IGF1R: variants seen among roughly 807,000 people sequenced by gnomAD.
The protein encoded by IGF1R is insulin-like growth factor 1 receptor.
Under a neutral mutation model 144.6 loss-of-function variants are expected in IGF1R, and 44 were observed. The ratio of observed to expected loss-of-function variants is 0.30; its 90% CI spans 0.24 to 0.39. The LOEUF is 0.39. IGF1R is among the 10% of genes least tolerant of loss of function. The pLI is 1.00. For missense variants in IGF1R, 1,355 were observed against 1,833.7 expected, an observed-to-expected ratio of 0.74 and a Z score of 4.77; for synonymous variants, 795 against 722.8, an observed-to-expected ratio of 1.10 and a Z score of -1.60.
chr15:98,848,433 G>A (rs547076499), intron 2 of IGF1R, among the ~76,000 whole-genome samples: 11 of 152,290 alleles, frequency 7.2e-5, no homozygotes, highest in African/African-American at 2.6e-4. Flanking sequence ...GCCCAGCCAA[G>A]ATAGTGCCAT....
At chr15:98,947,655 ACT>A (rs1348754741) in intron 19 of IGF1R, among the ~76,000 whole-genome samples, 4 of 152,216 alleles carry the variant, frequency 2.6e-5, no homozygotes, top group South Asian at 2.1e-4. Flanking sequence ...TTGTGTGTGT[ACT>A]CTCTGTTTTG....
At chr15:98,767,390 G>A (rs2055460559) in intron 2 of IGF1R, among the ~76,000 whole-genome samples, 2 of 152,164 alleles carry the variant, frequency 1.3e-5, no homozygotes, top group African/African-American at 4.8e-5. Flanking sequence ...TATGAAGGAT[G>A]GAAGGGCATT....
At position 98,804,203 on chromosome 15, in the gene IGF1R, C is replaced by G. The variant is rs533853232; in HGVS notation, c.641-87122C>G. On this transcript the variant is annotated intron_variant, in intron 2 of 20. Coordinates refer to ENST00000650285, the MANE Select transcript of IGF1R (RefSeq NM_000875.5). Reference sequence around the variant, plus strand: ...GGTCACTGGAGGGAATGGAAGAACACTGAGGAAATGCATAGCCTGTTTCAT... The same window carrying G: ...GGTCACTGGAGGGAATGGAAGAACAGTGAGGAAATGCATAGCCTGTTTCAT... 1.8e-4 allele frequency among the ~76,000 whole-genome samples: 27 copies of G among 152,316 alleles called. 1 individual carries two copies. The South Asian group carries it at 5.6e-3, about 32-fold the overall frequency.
At chr15:98,922,535 G>C in intron 11 of IGF1R, 104 bp downstream of exon 11, 3 of 1,374,038 alleles carry the variant, frequency 2.2e-6, no homozygotes, top group Non-Finnish European at 3.1e-6. Flanking sequence ...ATGACCCTTA[G>C]ACCCAGGCCT....
At chr15:98,828,823 C>G (rs1286355769) in intron 2 of IGF1R, among the ~76,000 whole-genome samples, 2 of 143,476 alleles carry the variant, frequency 1.4e-5, no homozygotes, top group Non-Finnish European at 3.0e-5. Flanking sequence ...GTTTTTTAAG[C>G]CTAGGGAATG....
Position 98,948,649 on chromosome 15 carries a change from C to A in IGF1R, c.3663C>A (p.Val1221=), listed in dbSNP as rs2016649607. 1.2e-6 allele frequency: 2 copies of A among 1,614,180 alleles called. No homozygotes were observed. The highest frequency in any genetic ancestry group is 1.7e-6 in the Non-Finnish European group (2 of 1,180,020). Residue 1221 remains valine (V), a synonymous_variant, in exon 20 of 21, where the codon GTC becomes GTA. Transcript: ENST00000650285. ...QPYQGLSNEQ[V]LRFVMEGGLL... is the part of the protein sequence containing the mutation. ...ACCAGGGCTTGTCCAACGAGCAAGT[C>A]CTTCGCTTCGTCATGGAGGGCGGCC...
chr15:98,874,347 G>A (rs897129969), intron 2 of IGF1R, among the ~76,000 whole-genome samples: 1 of 152,286 alleles, frequency 6.6e-6, no homozygotes, highest in African/African-American at 2.4e-5. Context: ...TGTTTGGCAG[G>A]GTGGGAAGCA....
intron 1 of IGF1R, among the ~76,000 whole-genome samples, chr15:98,675,822 C>CTTTTTTT (rs1555430684): frequency 1.7e-5 from 2 of 114,416 alleles, no homozygotes; most frequent in Admixed American, 8.7e-5. Flanking sequence ...TTCTTTCTTT[C>CTTTTTTT]TTTCTTTTTT....
At chr15:98,916,921 A>G (rs1301726081) in intron 10 of IGF1R, 45 bp downstream of exon 10, 98 of 1,553,344 alleles carry the variant, frequency 6.3e-5, no homozygotes, top group Non-Finnish European at 8.7e-5. Flanking sequence ...CCCACTGCTC[A>G]GGCCGGTTCT....
chr15:98,736,609 TC>T (rs151224009), intron 2 of IGF1R, among the ~76,000 whole-genome samples: 1 of 148,588 alleles, frequency 6.7e-6, no homozygotes, highest in Admixed American at 6.7e-5. Flanking sequence ...TTTTCTTTTT[TC>T]TTTTTTCTTT....
At chr15:98,893,598 G>A (rs1306269405) in intron 3 of IGF1R, 1 of 152,216 alleles carries the variant, frequency 6.6e-6, no homozygotes, top group Non-Finnish European at 1.5e-5. Context: ...GTGGGGTTAG[G>A]GGAGTGGTAG....
Position 98,891,224 on chromosome 15 carries a change from TG to T in IGF1R, c.641-99del. 9.7e-7 allele frequency: 1 copy of T among 1,034,586 alleles called. No homozygotes were observed. Among genetic ancestry groups the T allele is most frequent in the Non-Finnish European group, 1.5e-6 (1 of 685,246 alleles). 64.1% of individuals were successfully genotyped at this position (1,034,586 alleles called of 1,614,324 possible). On this transcript the variant is annotated intron_variant, in intron 2 of 20. Transcript: ENST00000650285. The surrounding 1 kb of genome is among the most constrained non-coding windows in gnomAD (Gnocchi z 4.7). ...GTCTCCTCAATGAGTGATCTGGTGC[TG>T]GTGGTAGCAGTGAATGACCCAGAAG...
At chr15:98,848,341 C>T (rs2011414257) in intron 2 of IGF1R, among the ~76,000 whole-genome samples, 1 of 152,212 alleles carries the variant, frequency 6.6e-6, no homozygotes, top group African/African-American at 2.4e-5. Flanking sequence ...CCATCACCCA[C>T]AGTTTACGTG....
At chr15:98,825,257 C>G (rs1038910763) in intron 2 of IGF1R, among the ~76,000 whole-genome samples, 17 of 152,214 alleles carry the variant, frequency 1.1e-4, no homozygotes, top group African/African-American at 4.1e-4. Context: ...AAACTGGTAC[C>G]TCCCAACAGA....
rs547935768 is a variant in IGF1R at position 98,721,002 on chromosome 15, A to G, written c.640+12895A>G. 3.3e-5 allele frequency among the ~76,000 whole-genome samples: 5 copies of G among 152,200 alleles called. No homozygotes were observed. In the South Asian group the frequency reaches 1.0e-3, roughly 32 times the overall value. On this transcript the variant is annotated intron_variant, in intron 2 of 20. Transcript: ENST00000650285. ...AGCTGGAGTGATCAAAGCAAAATTA[A>G]AATACTTTCTCAGTGGTTTGGGAGT... is the stretch of plus-strand genomic sequence containing the variant.
At position 98,957,593 on chromosome 15, in the gene IGF1R, C is replaced by G; in HGVS notation, c.*151C>G. 1 of 920,576 alleles carries G rather than the reference C, an allele frequency of 1.1e-6. No individual in the cohort carries two copies. The highest frequency in any genetic ancestry group is 1.5e-5 in the South Asian group (1 of 67,716). The allele number at this position is 920,576 out of a possible 1,614,324, so 57.0% of individuals were successfully genotyped here. On this transcript the variant is annotated 3_prime_UTR_variant, in exon 21 of 21. Transcript: ENST00000650285. ...TTGCTGCCCGCGGGAGACAGCTTCTCTGCAGTAAAACACATTTGGGATGTT... is the reference window on the plus strand; with the variant it reads ...TTGCTGCCCGCGGGAGACAGCTTCTGTGCAGTAAAACACATTTGGGATGTT...
chr15:98,959,166 C>G lies in IGF1R; in HGVS notation c.*1724C>G, dbSNP rs34718548. 1 of 233,408 alleles carries G rather than the reference C, an allele frequency of 4.3e-6. No homozygotes were observed. Among genetic ancestry groups the G allele is most frequent in the South Asian group, 1.8e-4 (1 of 5,530 alleles). 14.5% of individuals were successfully genotyped at this position (233,408 alleles called of 1,614,324 possible). ...GGTTGAGAAGCCTCACCCTCTCTTT[C>G]CCTTGCCTTTGCTTAGGTTGTGACA... is the stretch of plus-strand genomic sequence containing the variant. On this transcript the variant is annotated 3_prime_UTR_variant, in exon 21 of 21. Coordinates refer to ENST00000650285, the MANE Select transcript of IGF1R (RefSeq NM_000875.5).
intron 2 of IGF1R, among the ~76,000 whole-genome samples, chr15:98,765,823 A>G (rs1318678133): frequency 6.6e-6 from 1 of 152,192 alleles, no homozygotes; most frequent in Non-Finnish European, 1.5e-5. Context: ...GCCAGTGTGC[A>G]CCTGGAGTCA....
At chr15:98,900,443 G>A (rs1275563733) in intron 5 of IGF1R, among the ~76,000 whole-genome samples, 3 of 152,224 alleles carry the variant, frequency 2.0e-5, no homozygotes, top group African/African-American at 7.2e-5. Context: ...GAGGCGAGAA[G>A]GTCATGGGAA....
Sources: gnomAD v4.1 joint callset for allele counts (sites outside exome capture counted in the v4.1 genomes callset) on GRCh38, gnomAD v4.1.1 for gene constraint, Gnocchi (gnomAD v3.1) non-coding constraint, MANE v1.5 for transcripts, NCBI Gene and HGNC (gene_info 2026-07-23, HGNC 2026-07-21) for gene names.